The following CEPT1 variants were observed in gnomAD, a reference collection of about 807,000 sequenced individuals.
The protein encoded by CEPT1 is choline/ethanolaminephosphotransferase 1.
A neutral mutation model predicts 42.6 loss-of-function variants in CEPT1; 7 were observed. That is an observed-to-expected ratio of 0.16 (90% confidence interval 0.09 to 0.31). The LOEUF is 0.31. Among genes scored for constraint, CEPT1 ranks in the 10% least tolerant of loss-of-function variants. The pLI, the probability that CEPT1 is intolerant of heterozygous loss-of-function variation, is 1.00. For synonymous variants in CEPT1, 171 were observed against 171.9 expected (o/e 0.99, Z 0.04); for missense variants, 306 against 502.1 (o/e 0.61, Z 3.73).
intron 4 of CEPT1, among the ~76,000 whole-genome samples, chr1:111,171,343 C>G (rs917856721): frequency 2.0e-5 from 3 of 152,258 alleles, no homozygotes; most frequent in Non-Finnish European, 2.9e-5. Context: ...TTTGTAGTGA[C>G]GAAGACCTCC....
rs76199396 is a variant in CEPT1, at chr1:111,146,505, A to G, written c.-73-1137A>G. Among the ~76,000 whole-genome samples the G allele has an allele frequency of 5.6e-3, 847 of 152,126 alleles. 21 individuals carry two copies. Among genetic ancestry groups the G allele is most frequent in the East Asian group, 0.052 (268 of 5,182 alleles). On this transcript the variant is annotated intron_variant, in intron 1 of 8. Transcript: ENST00000357172. The stretch of plus-strand genomic sequence containing the variant: ...CTAATTCTTAAGTACTTTCTGCTGA[A>G]TCTTCCATCTAAATAGAAATTACTT...
chr1:111,182,376 A>C, intron 6 of CEPT1, 58 bp downstream of exon 6: 1 of 1,528,082 alleles, frequency 6.5e-7, no homozygotes, highest in African/African-American at 1.4e-5. Context: ...TTTTGTTGTC[A>C]TTTTGTTTTT....
chr1:111,144,832 A>G (rs763757747), intron 1 of CEPT1, among the ~76,000 whole-genome samples: 4 of 152,204 alleles, frequency 2.6e-5, no homozygotes, highest in Non-Finnish European at 5.9e-5. Flanking sequence ...GCTACTATGA[A>G]GCTAAGTGTA....
chr1:111,143,427 G>T (rs528108971), intron 1 of CEPT1: 2 of 152,312 alleles, frequency 1.3e-5, no homozygotes, highest in South Asian at 2.1e-4. Flanking sequence ...ATCACAGTGT[G>T]TAATTTTTTT....
rs751947141 is a variant in CEPT1, at chr1:111,159,482, C to T, written c.442C>T (p.Pro148Ser). 1.2e-6 allele frequency: 2 copies of T among 1,611,764 alleles called. No homozygotes were observed. The highest frequency in any genetic ancestry group is 1.7e-6 in the Non-Finnish European group (2 of 1,179,344). Residue 148 changes from proline to serine, a missense_variant, in exon 3 of 9, where the codon CCT (proline) becomes TCT (serine). Coordinates refer to ENST00000357172, the MANE Select transcript of CEPT1 (RefSeq NM_006090.5). ...GGCAAGAAGAACCAATAGTAGTTCT[C>T]CTCTGGGAGAACTTTTTGATCATGG... ...KQARRTNSSS[P>S]LGELFDHGCD...
chr1:111,157,414 T>C (rs1174461249), intron 2 of CEPT1, among the ~76,000 whole-genome samples: 1 of 152,258 alleles, frequency 6.6e-6, no homozygotes, highest in African/African-American at 2.4e-5. Context: ...CATAGCTACA[T>C]ATGGCTATTG....
chr1:111,164,108 T>A (rs1317574986), intron 4 of CEPT1, among the ~76,000 whole-genome samples: 1 of 152,224 alleles, frequency 6.6e-6, no homozygotes, highest in African/African-American at 2.4e-5. Context: ...TTACTGTTTT[T>A]AATTGCTATT....
intron 4 of CEPT1, chr1:111,167,407 A>T: frequency 3.3e-6 from 3 of 916,896 alleles, no homozygotes; most frequent in Non-Finnish European, 3.9e-6. Flanking sequence ...ATTTCTGGTG[A>T]TTTGATGCTA....
chr1:111,169,226 C>G (rs575241540), intron 4 of CEPT1, among the ~76,000 whole-genome samples: 1 of 152,288 alleles, frequency 6.6e-6, no homozygotes, highest in Non-Finnish European at 1.5e-5. Flanking sequence ...TCGTTAGCCT[C>G]CCTTTACCCT....
chr1:111,155,785 G>C (rs562338214), intron 2 of CEPT1, among the ~76,000 whole-genome samples: 4 of 152,058 alleles, frequency 2.6e-5, no homozygotes, highest in African/African-American at 4.8e-5. Context: ...TGATCTGCCC[G>C]CCTTGGCCTC....
intron 1 of CEPT1, among the ~76,000 whole-genome samples, chr1:111,145,898 C>T (rs1343598059): frequency 1.3e-5 from 2 of 152,180 alleles, no homozygotes; most frequent in African/African-American, 4.8e-5. Context: ...TAAACCAGAT[C>T]CTCTCACAGC....
intron 4 of CEPT1, among the ~76,000 whole-genome samples, chr1:111,165,336 C>T (rs904929100): frequency 2.0e-5 from 3 of 151,748 alleles, no homozygotes; most frequent in Non-Finnish European, 4.4e-5. Context: ...GCGTGAGCCA[C>T]TGCGCCCGGC....
At chr1:111,144,105 G>A (rs766501533) in intron 1 of CEPT1, among the ~76,000 whole-genome samples, 9 of 152,016 alleles carry the variant, frequency 5.9e-5, no homozygotes, top group Non-Finnish European at 8.8e-5. Context: ...TCGCCACATT[G>A]TCCTGATCTT....
chr1:111,159,301 A>G, intron 2 of CEPT1, 79 bp from the exon 3 acceptor site: 1 of 1,379,788 alleles, frequency 7.2e-7, no homozygotes, highest in East Asian at 2.4e-5. Context: ...TAGCTTTCCA[A>G]CCTGCAGGTA....
At chr1:111,174,847 T>C (rs373813265) in intron 4 of CEPT1, 32 bp from the exon 5 acceptor site, 5 of 1,330,814 alleles carry the variant, frequency 3.8e-6, no homozygotes, top group African/African-American at 2.9e-5. Context: ...TTGTGACTAA[T>C]TCTGCTCTTT....
In CEPT1 at chr1:111,184,196, C is replaced by T; in HGVS notation, c.1137C>T (p.Phe379=). 1.9e-6 allele frequency: 3 copies of T among 1,613,298 alleles called. No individual in the cohort carries two copies. Among genetic ancestry groups the T allele is most frequent in the Non-Finnish European group, 2.5e-6 (3 of 1,179,450 alleles). Residue 379 remains phenylalanine (F), a synonymous_variant, in exon 9 of 9, where the codon TTC becomes TTT. Coordinates refer to ENST00000357172, the MANE Select transcript of CEPT1 (RefSeq NM_006090.5). The stretch of plus-strand genomic sequence containing the variant: ...AATGTCTCTTTTCTTTCCAGGTTTT[C>T]TCTTTCTTTGATTTGATCCGCTACT... ...EYIVLWIALV[F]SFFDLIRYCV... is the part of the protein sequence containing the mutation.
chr1:111,152,474 C>T (rs763436546), intron 2 of CEPT1, among the ~76,000 whole-genome samples: 1 of 152,124 alleles, frequency 6.6e-6, no homozygotes, highest in Non-Finnish European at 1.5e-5. Flanking sequence ...GTATTTTTGT[C>T]TGACAAATCA....
At chr1:111,144,828 A>G (rs1232708975) in intron 1 of CEPT1, among the ~76,000 whole-genome samples, 2 of 152,218 alleles carry the variant, frequency 1.3e-5, no homozygotes, top group African/African-American at 4.8e-5. Flanking sequence ...TTTGGCTACT[A>G]TGAAGCTAAG....
rs545258664 is a variant in CEPT1 at position 111,174,526 on chromosome 1, T to C, written c.630-353T>C. On this transcript the variant is annotated intron_variant, in intron 4 of 8. Transcript: ENST00000357172. Reference sequence around the variant, plus strand: ...TTCAAGATTTCATATTTTATAACAGTGCAATGTAATCCTCTGCTTGATACT... The same window carrying C: ...TTCAAGATTTCATATTTTATAACAGCGCAATGTAATCCTCTGCTTGATACT... 2.0e-5 allele frequency among the ~76,000 whole-genome samples: 3 copies of C among 152,146 alleles called. No homozygotes were observed. The East Asian group carries it at 5.8e-4, about 29-fold the overall frequency.
Sources: allele counts gnomAD v4.1 joint callset (sites outside exome capture counted in the v4.1 genomes callset), GRCh38; gene constraint gnomAD v4.1.1; transcripts MANE v1.5; gene names NCBI Gene and HGNC (gene_info 2026-07-23, HGNC 2026-07-21).